The following PDE1C variants were observed in gnomAD, a reference collection of about 807,000 sequenced individuals.
PDE1C encodes dual specificity calcium/calmodulin-dependent 3',5'-cyclic nucleotide phosphodiesterase 1C.
A neutral mutation model predicts 93.1 loss-of-function variants in PDE1C; 62 were observed. The observed-to-expected ratio is 0.67, with a 90% CI of 0.54 to 0.82. The LOEUF (loss-of-function observed/expected upper bound fraction) is 0.82, where lower values mean the gene tolerates loss of function less well. Among genes scored for constraint, PDE1C ranks in the 40% least tolerant of loss-of-function variants. The pLI is 0.00. For synonymous variants in PDE1C, 325 were observed against 310.1 expected (o/e 1.05, Z -0.50); for missense variants, 742 against 884.6 (o/e 0.84, Z 2.04).
intron 2 of PDE1C, among the ~76,000 whole-genome samples, chr7:31,959,207 T>TTTGG (rs1808571921): frequency 6.6e-6 from 1 of 152,008 alleles, no homozygotes; most frequent in South Asian, 2.1e-4. Context: ...TTGTTGTTTG[T>TTTGG]TTGTTTGTTT....
chr7:31,793,177 G>T (rs1415760440), intron 16 of PDE1C, among the ~76,000 whole-genome samples: 1 of 151,934 alleles, frequency 6.6e-6, no homozygotes, highest in Non-Finnish European at 1.5e-5. Context: ...GCTGTATATA[G>T]GTCTTAAAAC....
At chr7:32,024,962 C>T (rs1789215980) in intron 2 of PDE1C, among the ~76,000 whole-genome samples, 1 of 152,066 alleles carries the variant, frequency 6.6e-6, no homozygotes, top group South Asian at 2.1e-4. Flanking sequence ...CTTCAAGTAC[C>T]AGCCCAATGA....
chr7:31,623,677 C>T, the PDE1C span, among the ~76,000 whole-genome samples: 2 of 105,150 alleles, frequency 1.9e-5, no homozygotes, highest in African/African-American at 6.5e-5. Context: ...TGGAAGCATT[C>T]CCTTTGAAAA....
At chr7:31,907,631 C>T (rs1800763256) in intron 2 of PDE1C, among the ~76,000 whole-genome samples, 1 of 151,960 alleles carries the variant, frequency 6.6e-6, no homozygotes, top group South Asian at 2.1e-4. Flanking sequence ...TGTATTGCAA[C>T]TCATTGGCAG....
At chr7:31,723,820 C>T in the PDE1C span, among the ~76,000 whole-genome samples, 1 of 152,196 alleles carries the variant, frequency 6.6e-6, no homozygotes, top group African/African-American at 2.4e-5. Context: ...TCTACAGCAT[C>T]CTGGCCTCTC....
chr7:32,136,823 A>G (rs1031278329), intron 3 of PDE1C, among the ~76,000 whole-genome samples: 7 of 152,170 alleles, frequency 4.6e-5, no homozygotes, highest in Admixed American at 1.3e-4. Flanking sequence ...GCCTAACACA[A>G]TCTAAAACAT....
chr7:31,823,733 T>G (rs939996360), intron 13 of PDE1C, among the ~76,000 whole-genome samples: 1 of 152,124 alleles, frequency 6.6e-6, no homozygotes, highest in Non-Finnish European at 1.5e-5. Flanking sequence ...GGGGAAGTGA[T>G]AATTTCCTTA....
At chr7:32,119,803 T>C (rs1051430614) in intron 3 of PDE1C, among the ~76,000 whole-genome samples, 1 of 152,062 alleles carries the variant, frequency 6.6e-6, no homozygotes, top group African/African-American at 2.4e-5. Context: ...GGGCATAGGG[T>C]CCCAACCTTG....
intron 1 of PDE1C, among the ~76,000 whole-genome samples, chr7:32,326,359 T>C (rs1056425287): frequency 6.6e-6 from 1 of 152,124 alleles, no homozygotes; most frequent in Non-Finnish European, 1.5e-5. Context: ...CTGAATGAGA[T>C]AACCAAGGGA....
Position 31,762,666 on chromosome 7 carries a change from G to C in PDE1C, c.1961-9113C>G, listed in dbSNP as rs142862083. 5.5e-3 allele frequency among the ~76,000 whole-genome samples: 832 copies of C among 152,254 alleles called. 12 individuals carry two copies. The highest frequency in any genetic ancestry group is 0.026 in the Admixed American group (396 of 15,274). ...CATTACCTACATTTTTAAAGACCCA[G>C]ATTCTCCAAGGACTTTACCTCAAGA... On this transcript the variant is annotated intron_variant, in intron 17 of 17. Transcript: ENST00000396191.
At chr7:31,642,174 A>G in the PDE1C span, 1 of 1,556,830 alleles carries the variant, frequency 6.4e-7, no homozygotes, top group South Asian at 1.2e-5. Flanking sequence ...TTCATTCTGC[A>G]GGTGCCAGGG....
chr7:32,122,350 G>A (rs1244563155), intron 3 of PDE1C, among the ~76,000 whole-genome samples: 1 of 152,174 alleles, frequency 6.6e-6, no homozygotes, highest in African/African-American at 2.4e-5. Context: ...CTTGAAGTCA[G>A]TTCTGGATCA....
chr7:31,712,286 G>A, the PDE1C span, among the ~76,000 whole-genome samples: 3 of 151,288 alleles, frequency 2.0e-5, no homozygotes, highest in Non-Finnish European at 2.9e-5. Context: ...GAGTGAGTGA[G>A]TGAATGAATG....
At chr7:31,768,686 T>C (rs1184404435) in intron 17 of PDE1C, among the ~76,000 whole-genome samples, 1 of 152,226 alleles carries the variant, frequency 6.6e-6, no homozygotes, top group Non-Finnish European at 1.5e-5. Context: ...TTATGGTCAC[T>C]AGTCACTCAA....
the PDE1C span, among the ~76,000 whole-genome samples, chr7:31,688,566 T>C: frequency 0.24 from 36,696 of 152,178 alleles, 5,291 homozygotes; most frequent in African/African-American, 0.39. Flanking sequence ...CCCCTTTCAG[T>C]TCCTGTTCTC....
At chr7:32,286,220 A>G (rs2128894843) in intron 1 of PDE1C, among the ~76,000 whole-genome samples, 1 of 152,328 alleles carries the variant, frequency 6.6e-6, no homozygotes, top group Non-Finnish European at 1.5e-5. Flanking sequence ...AGATGTCCCA[A>G]AAGTGCTTTG....
At chr7:31,759,020 C>G (rs1048084912) in intron 17 of PDE1C, among the ~76,000 whole-genome samples, 1 of 151,904 alleles carries the variant, frequency 6.6e-6, no homozygotes, top group Non-Finnish European at 1.5e-5. Context: ...CAAAACCTCT[C>G]CTTGCCACTG....
intron 11 of PDE1C, among the ~76,000 whole-genome samples, chr7:31,834,938 G>A (rs1790872646): frequency 2.6e-5 from 4 of 152,034 alleles, no homozygotes; most frequent in Admixed American, 2.6e-4. Context: ...CACATGTTGT[G>A]GGATGAACCT....
At chr7:31,771,554 A>G (rs1795489349) in intron 17 of PDE1C, among the ~76,000 whole-genome samples, 1 of 151,884 alleles carries the variant, frequency 6.6e-6, no homozygotes, top group Non-Finnish European at 1.5e-5. Flanking sequence ...CCATTTTTGA[A>G]TTGGGTTTTA....
Sources: gnomAD v4.1 joint callset for allele counts (sites outside exome capture counted in the v4.1 genomes callset) on GRCh38, gnomAD v4.1.1 for gene constraint, MANE v1.5 for transcripts, NCBI Gene and HGNC (gene_info 2026-07-23, HGNC 2026-07-21) for gene names.